The following GLP2R variants were observed in gnomAD, a reference collection of about 807,000 sequenced individuals.
The protein encoded by GLP2R is glucagon like peptide 2 receptor.
A neutral mutation model predicts 68.2 loss-of-function variants in GLP2R; 59 were observed. The ratio of observed to expected loss-of-function variants is 0.87; its 90% CI spans 0.70 to 1.07. The LOEUF (loss-of-function observed/expected upper bound fraction) is 1.07, where lower values mean the gene tolerates loss of function less well. Ranked by LOEUF, GLP2R falls within the 50% of genes least tolerant of loss-of-function variation. The pLI is 0.00. For missense variants in GLP2R, 548 were observed against 677.4 expected (o/e 0.81, Z 2.12); for synonymous variants, 270 against 265.4 (o/e 1.02, Z -0.17).
At chr17:9,844,073 A>G (rs897689251) in intron 4 of GLP2R, among the ~76,000 whole-genome samples, 1 of 152,146 alleles carries the variant, frequency 6.6e-6, no homozygotes, top group Non-Finnish European at 1.5e-5. Flanking sequence ...AGATGGCCAT[A>G]GTAAGAGAGA....
At chr17:9,882,127 G>A (rs2067202601) in intron 11 of GLP2R, among the ~76,000 whole-genome samples, 1 of 151,354 alleles carries the variant, frequency 6.6e-6, no homozygotes, top group Non-Finnish European at 1.5e-5. Flanking sequence ...TGTTACTTTT[G>A]TCTGGGACTG....
At chr17:9,883,034 A>G (rs57230557) in intron 11 of GLP2R, among the ~76,000 whole-genome samples, 9,096 of 146,048 alleles carry the variant, frequency 0.062, 930 homozygotes, top group African/African-American at 0.21. Context: ...TCTGGGTGGG[A>G]TAGGGGATGT....
intron 4 of GLP2R, among the ~76,000 whole-genome samples, chr17:9,851,891 A>T (rs1287235728): frequency 6.6e-6 from 1 of 152,108 alleles, no homozygotes; most frequent in Non-Finnish European, 1.5e-5. Flanking sequence ...CAAATATTAA[A>T]AAAAAAATAA....
intron 4 of GLP2R, chr17:9,853,017 C>A: frequency 2.1e-6 from 1 of 485,118 alleles, no homozygotes; most frequent in Non-Finnish European, 3.9e-6. Flanking sequence ...ACTGTAAGAC[C>A]GTGGGTGGTG....
chr17:9,862,848 A>C (rs914844716), intron 9 of GLP2R, among the ~76,000 whole-genome samples: 1 of 152,156 alleles, frequency 6.6e-6, no homozygotes, highest in Non-Finnish European at 1.5e-5. Context: ...CTGTTCCCCA[A>C]GGGGTTGCTG....
chr17:9,850,540 A>G (rs1187004374), intron 4 of GLP2R, among the ~76,000 whole-genome samples: 1 of 152,028 alleles, frequency 6.6e-6, no homozygotes, highest in East Asian at 1.9e-4. Context: ...ATGTTTCTAT[A>G]CCAACTCCCT....
chr17:9,857,671 C>A, intron 6 of GLP2R, 95 bp downstream of exon 6: 1 of 1,214,120 alleles, frequency 8.2e-7, no homozygotes, highest in Non-Finnish European at 1.2e-6. Flanking sequence ...GGAGGGGCAG[C>A]GGGAGATAAG....
At chr17:9,876,313 A>C (rs1447821022) in intron 10 of GLP2R, among the ~76,000 whole-genome samples, 1 of 152,238 alleles carries the variant, frequency 6.6e-6, no homozygotes, top group Non-Finnish European at 1.5e-5. Context: ...AAGACAGATT[A>C]ACAGGAGAAA....
At chr17:9,878,929 T>C (rs1384479775) in intron 10 of GLP2R, among the ~76,000 whole-genome samples, 1 of 151,892 alleles carries the variant, frequency 6.6e-6, no homozygotes, top group African/African-American at 2.4e-5. Flanking sequence ...AGAAGTGACC[T>C]AAGCTAAAAA....
chr17:9,875,472 T>C (rs1194151290), intron 10 of GLP2R, among the ~76,000 whole-genome samples: 1 of 152,246 alleles, frequency 6.6e-6, no homozygotes, highest in East Asian at 1.9e-4. Context: ...GTAACCCTGA[T>C]CTGGCCTCCC....
intron 10 of GLP2R, among the ~76,000 whole-genome samples, chr17:9,880,012 A>G (rs1422228215): frequency 6.6e-6 from 1 of 151,490 alleles, no homozygotes; most frequent in African/African-American, 2.5e-5. Context: ...TGCTAACCAC[A>G]TGATAGGAAA....
intron 9 of GLP2R, chr17:9,866,035 G>A (rs903095562): frequency 7.4e-6 from 3 of 405,620 alleles, no homozygotes; most frequent in African/African-American, 2.1e-5. Context: ...AATCTGCACA[G>A]CTCTAGGATT....
In GLP2R at chr17:9,857,552, T is replaced by C. The variant is rs564353436; in HGVS notation, c.741T>C (p.Asn247=). 3.7e-6 allele frequency: 6 copies of C among 1,614,188 alleles called. No homozygotes were observed. Among genetic ancestry groups the C allele is most frequent in the South Asian group, 2.2e-5 (2 of 91,076 alleles). ...NSYSKRPDNE[N]GWMSYLSEMS... ...ACTCCAAGAGGCCTGACAATGAGAA[T>C]GGGTGGATGTCCTACCTGTCAGAGG... Residue 247 remains asparagine, a synonymous_variant, in exon 6 of 13, where the codon AAT becomes AAC. Transcript: ENST00000262441.
chr17:9,881,669 C>T lies in GLP2R; in HGVS notation c.1284+1153C>T, dbSNP rs143882091. Among the ~76,000 whole-genome samples the T allele has an allele frequency of 3.3e-3, 454 of 135,768 alleles. 70 individuals carry two copies. The highest frequency in any genetic ancestry group is 0.017 in the African/African-American group (437 of 26,188). The allele number at this position is 135,768 out of a possible 152,430, so 89.1% of individuals were successfully genotyped here. ...TGCTGGGATTACAGGCGTGAGCCAC[C>T]GCTCCCCTGCCAGGCCTTTTAAATG... On this transcript the variant is annotated intron_variant, in intron 11 of 12. Transcript: ENST00000262441.
intron 10 of GLP2R, among the ~76,000 whole-genome samples, chr17:9,876,100 C>T (rs2067140217): frequency 6.6e-6 from 1 of 152,172 alleles, no homozygotes; most frequent in South Asian, 2.1e-4. Flanking sequence ...TGGTCTCCAA[C>T]TCCCAACCTC....
intron 11 of GLP2R, among the ~76,000 whole-genome samples, chr17:9,885,211 T>C (rs1023470843): frequency 1.3e-5 from 2 of 150,768 alleles, no homozygotes; most frequent in Non-Finnish European, 3.0e-5. Context: ...CATTTTGAGA[T>C]GGAGTTTTGC....
At chr17:9,855,006 C>G (rs1158940965) in intron 5 of GLP2R, among the ~76,000 whole-genome samples, 1 of 151,938 alleles carries the variant, frequency 6.6e-6, no homozygotes, top group African/African-American at 2.4e-5. Context: ...CAGAACAGCA[C>G]ATAATTTAAA....
rs752123786 is a variant in GLP2R, at chr17:9,889,386, G to A, written c.1343G>A (p.Arg448Gln). The A allele has an allele frequency of 9.9e-6, 16 of 1,612,850 alleles. No homozygotes were observed. The highest frequency in any genetic ancestry group is 3.3e-5 in the South Asian group (3 of 91,052). The change falls in exon 13 of 13, where the codon CGG (arginine) becomes CAG (glutamine). Residue 448 changes from arginine (R) to glutamine (Q), a missense_variant. Coordinates refer to ENST00000262441, the MANE Select transcript of GLP2R (RefSeq NM_004246.3). Reference protein sequence around the residue: ...FANGEVKAELRKYWVRFLLAR... With the variant: ...FANGEVKAELQKYWVRFLLAR... ...ACCCGGCAGGTGAAGGCTGAGCTGC[G>A]GAAATACTGGGTCCGCTTCTTGCTA... is the stretch of plus-strand genomic sequence containing the variant.
rs149455853 is a variant in GLP2R, at chr17:9,831,169, C to T, written c.190-2638C>T. On this transcript the variant is annotated intron_variant, in intron 1 of 12. Transcript: ENST00000262441. ...TTCTTTTGGGATAACCTTAAATCTA[C>T]CTGGCCCTAGAAAACATTTGAGCTT... Among the ~76,000 whole-genome samples the T allele has an allele frequency of 2.1e-4, 32 of 152,282 alleles. No homozygotes were observed. The East Asian group carries it at 2.5e-3, about 12-fold the overall frequency.
Sources: gnomAD v4.1 joint callset for allele counts (sites outside exome capture counted in the v4.1 genomes callset) on GRCh38, gnomAD v4.1.1 for gene constraint, MANE v1.5 for transcripts, NCBI Gene and HGNC (gene_info 2026-07-23, HGNC 2026-07-21) for gene names.